Variants in PHRF1 observed in about 807,000 individuals in gnomAD.
PHRF1 encodes PHD and RING finger domain-containing protein 1.
In PHRF1, 53 loss-of-function variants were observed where a neutral mutation model predicts 128.9. The observed-to-expected ratio is 0.41, with a 90% CI of 0.33 to 0.52. The LOEUF is 0.52. Among genes scored for constraint, PHRF1 ranks in the 20% least tolerant of loss-of-function variants. The pLI is 0.21. For synonymous variants in PHRF1, 1,178 were observed against 980.6 expected, an observed-to-expected ratio of 1.20 and a Z score of -3.76; for missense variants, 2,503 against 2,284.5, an observed-to-expected ratio of 1.10 and a Z score of -1.95.
At chr11:606,670 C>T in intron 13 of PHRF1, 74 bp downstream of exon 13, 2 of 1,496,766 alleles carry the variant, frequency 1.3e-6, no homozygotes, top group Non-Finnish European at 1.8e-6. Context: ...GCACTCAGCC[C>T]ATGTCTCAGT....
intron 5 of PHRF1, among the ~76,000 whole-genome samples, chr11:592,166 C>T (rs1420900183): frequency 5.9e-5 from 9 of 151,866 alleles, no homozygotes; most frequent in Non-Finnish European, 1.3e-4. Flanking sequence ...CCACCCACCT[C>T]GGCCTCCCAA....
intron 9 of PHRF1, 121 bp downstream of exon 9, chr11:598,623 C>G (rs1171552305): frequency 1.4e-6 from 2 of 1,408,996 alleles, no homozygotes; most frequent in African/African-American, 2.9e-5. Context: ...AGTTAATCTT[C>G]TCTGCTGAAA....
chr11:578,205 G>A (rs1028529090), intron 1 of PHRF1, among the ~76,000 whole-genome samples: 6 of 152,184 alleles, frequency 3.9e-5, no homozygotes, highest in Non-Finnish European at 8.8e-5. Context: ...TCTTGTGCCT[G>A]GTGCTTGTGC....
intron 12 of PHRF1, among the ~76,000 whole-genome samples, 194 bp downstream of exon 12, chr11:605,918 G>A (rs1855914104): frequency 6.6e-6 from 1 of 152,256 alleles, no homozygotes; most frequent in African/African-American, 2.4e-5. Context: ...AGAGGCCACG[G>A]CCTGCCTGTG....
Position 592,550 on chromosome 11 carries a change from C to T in PHRF1, c.505-9C>T, listed in dbSNP as rs1180842866. The T allele has an allele frequency of 5.0e-6, 8 of 1,613,396 alleles. No homozygotes were observed. The highest frequency in any genetic ancestry group is 6.8e-6 in the Non-Finnish European group (8 of 1,179,410). On this transcript the variant is annotated splice_polypyrimidine_tract_variant and intron_variant, in intron 5 of 17. Transcript: ENST00000264555. ...TCCTGTGTGGTGGTGACCGACGATT[C>T]TGTCCTAGATCCCAGTGGAGAACAC... is the stretch of plus-strand genomic sequence containing the variant.
chr11:579,103 G>A (rs1018637115), intron 1 of PHRF1, among the ~76,000 whole-genome samples: 1 of 152,200 alleles, frequency 6.6e-6, no homozygotes, highest in Admixed American at 6.5e-5. Flanking sequence ...GTCTCCCAAA[G>A]TGCTAGGATG....
intron 10 of PHRF1, among the ~76,000 whole-genome samples, chr11:602,772 T>G (rs1855711143): frequency 6.9e-6 from 1 of 145,080 alleles, no homozygotes; most frequent in South Asian, 2.1e-4. Context: ...TTTTTTTTGT[T>G]TTTTTTTTTG....
At position 610,731 on chromosome 11, in the gene PHRF1, G is replaced by A. The variant is rs762991650; in HGVS notation, c.4647G>A (p.Arg1549=). Residue 1549 remains arginine (R), a synonymous_variant, in exon 16 of 18, where the codon AGG becomes AGA. Transcript: ENST00000264555. ...SNSEEKTPAP[R]LAAEKTKKEE... ...CGGAGGAGAAGACCCCGGCCCCCAG[G>A]CTAGCTGCGGAGAAAACCAAGAAGG... 10 of 1,601,670 alleles carry A rather than the reference G, an allele frequency of 6.2e-6. No individual in the cohort carries two copies. Among genetic ancestry groups the A allele is most frequent in the Non-Finnish European group, 8.5e-6 (10 of 1,179,808 alleles).
At chr11:592,456 AT>A in intron 5 of PHRF1, 102 bp from the exon 6 acceptor site, 1 of 1,164,500 alleles carries the variant, frequency 8.6e-7, no homozygotes, top group South Asian at 1.2e-5. Context: ...CCAAATATGA[AT>A]CTAAGGCAAT....
At chr11:603,484 C>T (rs1045552848) in intron 10 of PHRF1, among the ~76,000 whole-genome samples, 14 of 152,060 alleles carry the variant, frequency 9.2e-5, no homozygotes, top group Admixed American at 7.9e-4. Flanking sequence ...CACAGGCTCA[C>T]GCCACCTCAC....
Position 606,834 on chromosome 11 carries a change from C to T in PHRF1, c.1610-232C>T, listed in dbSNP as rs753937535. The T allele has an allele frequency of 8.1e-5, 71 of 878,988 alleles. No individual in the cohort carries two copies. In the African/African-American group the frequency reaches 9.7e-4, roughly 12 times the overall value. The allele number at this position is 878,988 out of a possible 1,614,324, so 54.4% of individuals were successfully genotyped here. On this transcript the variant is annotated intron_variant, in intron 13 of 17. Transcript: ENST00000264555. ...ACATGTCCTGATGGGGTACTGCCCC[C>T]GCCCCTGGTTAATATCGTGTCCTGA...
In PHRF1 at chr11:609,000, G is replaced by C. The variant is rs371261666; in HGVS notation, c.3544G>C (p.Glu1182Gln). Reference sequence around the variant, plus strand: ...GGAGCACAGGCGGCCTCGGTCCCGTGAGAAGTGGCCGCAGACCCGGTCCCA... The same window carrying C: ...GGAGCACAGGCGGCCTCGGTCCCGTCAGAAGTGGCCGCAGACCCGGTCCCA... Reference protein sequence around the residue: ...AREHRRPRSREKWPQTRSHSP... With the variant: ...AREHRRPRSRQKWPQTRSHSP... The change falls in exon 14 of 18, where the codon GAG becomes CAG. Residue 1182 changes from glutamate (E) to glutamine (Q), a missense_variant. Physicochemically the swap from Glu to Gln is conservative, Grantham distance 29. Coordinates refer to ENST00000264555, the MANE Select transcript of PHRF1 (RefSeq NM_001286581.2). The C allele has an allele frequency of 3.1e-6, 5 of 1,602,570 alleles. No homozygotes were observed. The highest frequency in any genetic ancestry group is 4.3e-6 in the Non-Finnish European group (5 of 1,175,624).
chr11:586,502 G>C (rs1204542207), intron 3 of PHRF1, among the ~76,000 whole-genome samples: 1 of 152,216 alleles, frequency 6.6e-6, no homozygotes, highest in Non-Finnish European at 1.5e-5. Context: ...GGAGGGTTTG[G>C]AGGGTTTCGG....
In PHRF1 at chr11:605,163, G is replaced by C. The variant is rs781185349; in HGVS notation, c.1197G>C (p.Leu399=). ...CTCGAATCGCGCGGACGCTGGGCCTGCGCAGGCCTGTTCACAGCAGCTGCA... is the reference window on the plus strand; with the variant it reads ...CTCGAATCGCGCGGACGCTGGGCCTCCGCAGGCCTGTTCACAGCAGCTGCA... ...TRSRIARTLG[L]RRPVHSSCIP... The change falls in exon 11 of 18, where the codon CTG becomes CTC. Residue 399 remains leucine, a synonymous_variant. Transcript: ENST00000264555. The C allele has an allele frequency of 1.1e-5, 18 of 1,613,464 alleles. No homozygotes were observed. The highest frequency in any genetic ancestry group is 1.7e-5 in the Admixed American group (1 of 60,000).
chr11:576,755 C>T (rs1853862743), intron 1 of PHRF1, among the ~76,000 whole-genome samples, 163 bp downstream of exon 1: 1 of 110,960 alleles, frequency 9.0e-6, no homozygotes, highest in East Asian at 2.1e-4. Flanking sequence ...GCTGGGAGGC[C>T]CCGCCGAGAC....
At chr11:586,096 G>A (rs191504661) in intron 3 of PHRF1, among the ~76,000 whole-genome samples, 5 of 151,902 alleles carry the variant, frequency 3.3e-5, no homozygotes, top group African/African-American at 7.3e-5. Context: ...CCTGACCTCA[G>A]GTGATCCACC....
In PHRF1 at chr11:605,557, G is replaced by T. The variant is rs139356679; in HGVS notation, c.1335-48G>T. The T allele has an allele frequency of 2.4e-4, 391 of 1,599,820 alleles. No individual in the cohort carries two copies. In the East Asian group the frequency reaches 7.7e-3, roughly 31 times the overall value. ...GCCGTCTCCCTGGGCTGGGGTTTCT[G>T]GGAGCTGGGAGTCACTTGTTCCCTT... is the stretch of plus-strand genomic sequence containing the variant. On this transcript the variant is annotated intron_variant, in intron 11 of 17. Transcript: ENST00000264555.
At position 609,011 on chromosome 11, in the gene PHRF1, G is replaced by A. The variant is rs370073176; in HGVS notation, c.3555G>A (p.Pro1185=). 1.8e-5 allele frequency: 29 copies of A among 1,597,624 alleles called. No individual in the cohort carries two copies. The highest frequency in any genetic ancestry group is 2.7e-5 in the African/African-American group (2 of 74,794). The part of the protein sequence containing the change: ...HRRPRSREKW[P]QTRSHSPERK... ...GGCCTCGGTCCCGTGAGAAGTGGCC[G>A]CAGACCCGGTCCCATTCCCCAGAGA... Residue 1185 remains proline (P), a synonymous_variant, in exon 14 of 18, where the codon CCG becomes CCA. Transcript: ENST00000264555.
At position 585,175 on chromosome 11, in the gene PHRF1, C is replaced by T. The variant is rs139793524; in HGVS notation, c.215-2084C>T. On this transcript the variant is annotated intron_variant, in intron 3 of 17. Coordinates refer to ENST00000264555, the MANE Select transcript of PHRF1 (RefSeq NM_001286581.2). ...TTTCGTTCTCATTGCTTTTCCCACC[C>T]TGGTGTTTCCTGCTGGAAATCACTT... is the stretch of plus-strand genomic sequence containing the variant. Among the ~76,000 whole-genome samples, 1,045 of 152,302 alleles carry T rather than the reference C, an allele frequency of 6.9e-3. 10 individuals are homozygous for T. The highest frequency in any genetic ancestry group is 0.01 in the Admixed American group (157 of 15,298).
Sources: allele counts gnomAD v4.1 joint callset (sites outside exome capture counted in the v4.1 genomes callset), GRCh38; gene constraint gnomAD v4.1.1; transcripts MANE v1.5; gene names NCBI Gene and HGNC (gene_info 2026-07-23, HGNC 2026-07-21).